MRC2: variants seen among roughly 807,000 people sequenced by gnomAD.
MRC2 encodes the protein C-type mannose receptor 2.
Under a neutral mutation model 206.2 loss-of-function variants are expected in MRC2, and 84 were observed. That is an observed-to-expected ratio of 0.41 (90% confidence interval 0.34 to 0.49). The LOEUF is 0.49. MRC2 is among the 20% of genes least tolerant of loss of function. MRC2 has a pLI of 0.31. For synonymous variants in MRC2, 798 were observed against 800.0 expected, an observed-to-expected ratio of 1.00 and a Z score of 0.04; for missense variants, 1,676 against 2,001.5, an observed-to-expected ratio of 0.84 and a Z score of 3.10.
At chr17:62,681,272 C>T (rs1053415524) in intron 18 of MRC2, 143 bp downstream of exon 18, 4 of 945,082 alleles carry the variant, frequency 4.2e-6, no homozygotes, top group Admixed American at 2.8e-5. Context: ...CCTTTCTGGG[C>T]CTTGGTTTTC....
At chr17:62,638,957 C>A (rs1469253004) in intron 1 of MRC2, among the ~76,000 whole-genome samples, 1 of 151,930 alleles carries the variant, frequency 6.6e-6, no homozygotes, top group Non-Finnish European at 1.5e-5. Flanking sequence ...TATGAGGACA[C>A]CTGGATTATA....
rs890321105 is a variant in MRC2 at position 62,672,853 on chromosome 17, G to A, written c.1461+701G>A. Among the ~76,000 whole-genome samples the A allele has an allele frequency of 1.3e-5, 2 of 152,124 alleles. No individual in the cohort carries two copies. The highest frequency in any genetic ancestry group is 2.9e-5 in the Non-Finnish European group (2 of 68,034). On this transcript the variant is annotated intron_variant, in intron 8 of 29. Transcript: ENST00000303375. The surrounding 1 kb of genome is among the most constrained non-coding windows in gnomAD (Gnocchi z 4.5). ...CTAAAAATACAAAAATTAGCCAGGC[G>A]TGGTGGCAGATGCCTGTAATCCCAG...
chr17:62,636,233 A>C (rs996694595), intron 1 of MRC2, among the ~76,000 whole-genome samples: 2 of 144,212 alleles, frequency 1.4e-5, no homozygotes, highest in African/African-American at 5.2e-5. Flanking sequence ...CCTGGGCAAC[A>C]GAGTGAGACC....
At chr17:62,655,392 A>G (rs567858035) in intron 1 of MRC2, among the ~76,000 whole-genome samples, 16 of 150,282 alleles carry the variant, frequency 1.1e-4, no homozygotes, top group African/African-American at 3.9e-4. Context: ...ATACAAAAAA[A>G]TTAGCCGGGC....
chr17:62,682,708 C>G (rs930355516), intron 20 of MRC2, among the ~76,000 whole-genome samples: 2 of 149,794 alleles, frequency 1.3e-5, no homozygotes, highest in African/African-American at 4.9e-5. Context: ...GTGGCGCGAT[C>G]TCGGCTCACT....
At chr17:62,629,210 G>A (rs1324017838) in intron 1 of MRC2, among the ~76,000 whole-genome samples, 1 of 152,224 alleles carries the variant, frequency 6.6e-6, no homozygotes, top group East Asian at 1.9e-4. Context: ...GCCTTCCTCT[G>A]CTCCTCTGCG....
In MRC2 at chr17:62,692,003, C is replaced by G; in HGVS notation, c.4193-109C>G. On this transcript the variant is annotated intron_variant, in intron 28 of 29. Transcript: ENST00000303375. The surrounding 1 kb of genome is among the most constrained non-coding windows in gnomAD (Gnocchi z 4.2). ...AGGATGGGAGGGGGAACTAGAGCCTCTTTCTCCCCAGACCTCCCGGCCCAG... is the reference window on the plus strand; with the variant it reads ...AGGATGGGAGGGGGAACTAGAGCCTGTTTCTCCCCAGACCTCCCGGCCCAG... 1 of 1,459,248 alleles carries G rather than the reference C, an allele frequency of 6.9e-7. No individual in the cohort carries two copies. The highest frequency in any genetic ancestry group is 9.5e-7 in the Non-Finnish European group (1 of 1,053,446). 90.4% of individuals were successfully genotyped at this position (1,459,248 alleles called of 1,614,324 possible).
intron 12 of MRC2, among the ~76,000 whole-genome samples, 159 bp downstream of exon 12, chr17:62,677,645 G>T (rs537548445): frequency 3.3e-5 from 5 of 152,308 alleles, no homozygotes; most frequent in African/African-American, 1.2e-4. Context: ...TGGAGGCCTG[G>T]TGCTCAGTAA....
In MRC2 at chr17:62,657,716, C is replaced by T. The variant is rs1216160303; in HGVS notation, c.119-6832C>T. ...CTCTGCACTCTGAGCTCCCTCTGCC[C>T]GCTTTGTATGTGCTTGATGAAGCAC... On this transcript the variant is annotated intron_variant, in intron 1 of 29. Transcript: ENST00000303375. 2.0e-5 allele frequency among the ~76,000 whole-genome samples: 3 copies of T among 152,270 alleles called. No homozygotes were observed. In the South Asian group the frequency reaches 6.2e-4, roughly 32 times the overall value.
chr17:62,670,080 G>A (rs939059139), intron 6 of MRC2, among the ~76,000 whole-genome samples: 2 of 152,222 alleles, frequency 1.3e-5, no homozygotes, highest in African/African-American at 4.8e-5. Context: ...CAAGTCCTCT[G>A]TCCTCTGGGT....
At position 62,667,057 on chromosome 17, in the gene MRC2, T is replaced by C. The variant is rs2088766559; in HGVS notation, c.973+187T>C. 2.6e-5 allele frequency among the ~76,000 whole-genome samples: 4 copies of C among 151,728 alleles called. No individual in the cohort carries two copies. Among genetic ancestry groups the C allele is most frequent in the Non-Finnish European group, 5.9e-5 (4 of 67,908 alleles). Reference sequence around the variant, plus strand: ...GGGCGGCGCTGCCCCAGGCCGAAGGTCTTGGTGCATATGGACTGGGTGCCA... The same window carrying C: ...GGGCGGCGCTGCCCCAGGCCGAAGGCCTTGGTGCATATGGACTGGGTGCCA... On this transcript the variant is annotated intron_variant, in intron 5 of 29. Transcript: ENST00000303375. The surrounding 1 kb of genome is among the most constrained non-coding windows in gnomAD (Gnocchi z 4.1).
At chr17:62,690,385 C>A in intron 26 of MRC2, 80 bp downstream of exon 26, 1 of 1,503,570 alleles carries the variant, frequency 6.7e-7, no homozygotes, top group Non-Finnish European at 9.0e-7. Context: ...TGAGTACATC[C>A]CCACACTGCT....
At position 62,671,612 on chromosome 17, in the gene MRC2, C is replaced by T. The variant is rs2088826481; in HGVS notation, c.1118-37C>T. The T allele has an allele frequency of 6.6e-7, 1 of 1,524,036 alleles. No individual in the cohort carries two copies. Among genetic ancestry groups the T allele is most frequent in the Non-Finnish European group, 8.8e-7 (1 of 1,134,092 alleles). 94.4% of individuals were successfully genotyped at this position (1,524,036 alleles called of 1,614,324 possible). On this transcript the variant is annotated intron_variant, in intron 6 of 29. Transcript: ENST00000303375. The surrounding 1 kb of genome is among the most constrained non-coding windows in gnomAD (Gnocchi z 4.5). ...GTGGGTTGGTTCCCAGACTGGGCGGCTCAGTCCCTGAGCAGCAGCCTCATG... is the reference window on the plus strand; with the variant it reads ...GTGGGTTGGTTCCCAGACTGGGCGGTTCAGTCCCTGAGCAGCAGCCTCATG...
In MRC2 at chr17:62,666,395, G is replaced by A; in HGVS notation, c.695-60G>A. 6.2e-7 allele frequency: 1 copy of A among 1,609,530 alleles called. No homozygotes were observed. The highest frequency in any genetic ancestry group is 2.2e-5 in the East Asian group (1 of 44,856). On this transcript the variant is annotated intron_variant, in intron 3 of 29. Transcript: ENST00000303375. This position sits in a 1 kb window ranked among gnomAD's most constrained non-coding sequence, Gnocchi z 5.0. ...CTAGTGTAGCCTTTTGGTGGGGGAG[G>A]GTCTGCACTCCCGAGGGACCCTGGA... is the stretch of plus-strand genomic sequence containing the variant.
chr17:62,667,526 C>T lies in MRC2; in HGVS notation c.1110C>T (p.Thr370=), dbSNP rs757552740. Residue 370 remains threonine, a synonymous_variant, in exon 6 of 30, where the codon ACC becomes ACT. Transcript: ENST00000303375. This position sits in a 1 kb window ranked among gnomAD's most constrained non-coding sequence, Gnocchi z 4.1. ...AGCCCAACGCCACGGCCGAGCCCAC[C>T]CCTCCAGGTGAGCCAGGGACTGTGC... The part of the protein sequence containing the change: ...KKKPNATAEP[T]PPDRWANVKV... 1 of 1,609,146 alleles carries T rather than the reference C, an allele frequency of 6.2e-7. No individual in the cohort carries two copies. The highest frequency in any genetic ancestry group is 1.7e-5 in the Admixed American group (1 of 59,316).
In MRC2 at chr17:62,666,660, C is replaced by G; in HGVS notation, c.859+41C>G. 1 of 1,548,356 alleles carries G rather than the reference C, an allele frequency of 6.5e-7. No individual in the cohort carries two copies. Among genetic ancestry groups the G allele is most frequent in the South Asian group, 1.2e-5 (1 of 81,426 alleles). On this transcript the variant is annotated intron_variant, in intron 4 of 29. Transcript: ENST00000303375. The surrounding 1 kb of genome is among the most constrained non-coding windows in gnomAD (Gnocchi z 5.0). ...ATGCCTGCTCGTGCCTCTGGAGGGC[C>G]CGGGCCCTTTCCGCTTGTGGGTTGG...
At chr17:62,634,387 G>T (rs1305694767) in intron 1 of MRC2, among the ~76,000 whole-genome samples, 1 of 151,716 alleles carries the variant, frequency 6.6e-6, no homozygotes, top group Non-Finnish European at 1.5e-5. Context: ...TGCAACCTCT[G>T]CCTCCCAGGT....
chr17:62,674,198 G>T (rs1274537770), intron 9 of MRC2, 28 bp downstream of exon 9: 18 of 1,501,784 alleles, frequency 1.2e-5, no homozygotes, highest in Non-Finnish European at 1.5e-5. Context: ...GCTGCCCTGA[G>T]TGGGGCCACC....
intron 23 of MRC2, 188 bp from the exon 24 acceptor site, chr17:62,689,334 C>G: frequency 1.7e-6 from 1 of 587,098 alleles, no homozygotes; most frequent in Non-Finnish European, 3.0e-6. Flanking sequence ...ACCTCCCTGT[C>G]CATTTGTTAG....
Sources: gnomAD v4.1 joint callset for allele counts (sites outside exome capture counted in the v4.1 genomes callset) on GRCh38, gnomAD v4.1.1 for gene constraint, Gnocchi (gnomAD v3.1) non-coding constraint, MANE v1.5 for transcripts, NCBI Gene and HGNC (gene_info 2026-07-23, HGNC 2026-07-21) for gene names.